GSK3B: variants seen among roughly 807,000 people sequenced by gnomAD.
GSK3B encodes glycogen synthase kinase 3 beta.
A neutral mutation model predicts 56.4 loss-of-function variants in GSK3B; 15 were observed. The observed-to-expected ratio is 0.27, with a 90% CI of 0.18 to 0.41. The LOEUF (loss-of-function observed/expected upper bound fraction) is 0.41. Ranked by LOEUF, GSK3B falls within the 10% of genes least tolerant of loss-of-function variation. The pLI is 1.00. For synonymous variants in GSK3B, 181 were observed against 188.9 expected (o/e 0.96, Z 0.34); for missense variants, 300 against 513.4 (o/e 0.58, Z 4.02).
At chr3:119,852,398 G>C (rs895547822) in intron 9 of GSK3B, among the ~76,000 whole-genome samples, 1 of 151,612 alleles carries the variant, frequency 6.6e-6, no homozygotes. Flanking sequence ...GCCTAGGCTG[G>C]AGTGCAGTGG....
At chr3:119,958,666 A>AGACCCTGTCTCTCCCTC (rs2057240032) in intron 2 of GSK3B, among the ~76,000 whole-genome samples, 1 of 152,104 alleles carries the variant, frequency 6.6e-6, no homozygotes, top group Non-Finnish European at 1.5e-5. Context: ...TAACAGGGTG[A>AGACCCTGTCTCTCCCTC]GACCCTGTCT....
At chr3:119,987,096 T>A (rs1475605385) in intron 2 of GSK3B, among the ~76,000 whole-genome samples, 1 of 152,182 alleles carries the variant, frequency 6.6e-6, no homozygotes. Flanking sequence ...AAAGACCGCA[T>A]GTTCTCACTC....
At chr3:120,055,405 A>G (rs2058184025) in intron 1 of GSK3B, among the ~76,000 whole-genome samples, 2 of 152,180 alleles carry the variant, frequency 1.3e-5, no homozygotes, top group African/African-American at 4.8e-5. Flanking sequence ...CAATAATAGT[A>G]TATCAATATC....
intron 1 of GSK3B, among the ~76,000 whole-genome samples, chr3:120,093,062 A>G (rs1463331975): frequency 6.6e-6 from 1 of 152,242 alleles, no homozygotes. Context: ...ACACTCGAGC[A>G]CTTGATGAAA....
In GSK3B at chr3:119,843,345, T is replaced by C; in HGVS notation, c.1105A>G (p.Ser369Gly). 6.3e-7 allele frequency: 1 copy of C among 1,593,236 alleles called. No homozygotes were observed. The highest frequency in any genetic ancestry group is 8.6e-7 in the Non-Finnish European group (1 of 1,162,014). Residue 369 changes from serine (S) to glycine (G), a missense_variant, in exon 10 of 11, where the codon AGT becomes GGT. Around this residue, in one of 6 missense-constraint regions of GSK3B, gnomAD observed 88 missense variants for 92.7 expected, o/e 0.95. Transcript: ENST00000264235. ...LFNFTTQELS[S>G]NPPLATILIP... ...AGGATGGTAGCCAGAGGTGGATTAC[T>C]TGACAGTTCTATAGAAGGTTAAGAC...
At chr3:120,031,859 G>T (rs1023963359) in intron 1 of GSK3B, among the ~76,000 whole-genome samples, 2 of 152,158 alleles carry the variant, frequency 1.3e-5, no homozygotes, top group Non-Finnish European at 2.9e-5. Flanking sequence ...AATATTTGTG[G>T]ATAAATGACT....
intron 1 of GSK3B, among the ~76,000 whole-genome samples, chr3:120,018,559 G>A (rs2057846564): frequency 6.6e-6 from 1 of 152,096 alleles, no homozygotes; most frequent in Admixed American, 6.6e-5. Context: ...TAGTCTTATA[G>A]TACTCATCCA....
intron 3 of GSK3B, among the ~76,000 whole-genome samples, chr3:119,944,029 G>C (rs905001286): frequency 4.6e-5 from 7 of 152,130 alleles, no homozygotes; most frequent in African/African-American, 1.7e-4. Flanking sequence ...GGGAAAGAAA[G>C]TCAGAGATGT....
At chr3:119,986,680 A>T (rs2057519720) in intron 2 of GSK3B, among the ~76,000 whole-genome samples, 1 of 152,176 alleles carries the variant, frequency 6.6e-6, no homozygotes, top group South Asian at 2.1e-4. Flanking sequence ...AAGTCAGGAA[A>T]CAACAGATGC....
At chr3:120,058,913 G>A (rs1004385519) in intron 1 of GSK3B, among the ~76,000 whole-genome samples, 1 of 151,874 alleles carries the variant, frequency 6.6e-6, no homozygotes. Context: ...CAGAGGCTGA[G>A]GCAGGAGGAT....
chr3:119,851,808 A>G (rs1445973053), intron 9 of GSK3B, among the ~76,000 whole-genome samples: 1 of 152,234 alleles, frequency 6.6e-6, no homozygotes, highest in Non-Finnish European at 1.5e-5. Context: ...CTATACAGTT[A>G]AAAGTGCTAT....
intron 4 of GSK3B, among the ~76,000 whole-genome samples, chr3:119,919,005 G>A (rs1393118352): frequency 6.6e-6 from 1 of 152,042 alleles, no homozygotes; most frequent in Non-Finnish European, 1.5e-5. Context: ...ACTCTCTTGT[G>A]TGATCAGACC....
intron 3 of GSK3B, 71 bp downstream of exon 3, chr3:119,947,197 T>C (rs2057109105): frequency 1.1e-6 from 1 of 907,610 alleles, no homozygotes; most frequent in African/African-American, 1.6e-5. Flanking sequence ...CTATGAGCGG[T>C]GGGGAGATTA....
At chr3:119,933,727 A>T (rs2056968451) in intron 3 of GSK3B, among the ~76,000 whole-genome samples, 1 of 152,158 alleles carries the variant, frequency 6.6e-6, no homozygotes, top group Non-Finnish European at 1.5e-5. Context: ...AAATAAAAAA[A>T]TTAGCCAGGC....
intron 2 of GSK3B, among the ~76,000 whole-genome samples, chr3:119,977,768 C>T (rs569230705): frequency 2.3e-4 from 35 of 152,028 alleles, no homozygotes; most frequent in African/African-American, 8.4e-4. Flanking sequence ...GAGTATAAAA[C>T]CAATAGGGGG....
intron 4 of GSK3B, among the ~76,000 whole-genome samples, chr3:119,918,917 T>A (rs999846277): frequency 1.3e-5 from 2 of 152,102 alleles, no homozygotes; most frequent in African/African-American, 4.8e-5. Flanking sequence ...ATATCTGAAG[T>A]AATAAAATAA....
At chr3:119,876,171 G>A (rs1366045930) in intron 8 of GSK3B, among the ~76,000 whole-genome samples, 2 of 152,056 alleles carry the variant, frequency 1.3e-5, no homozygotes, top group East Asian at 3.8e-4. Context: ...GTACTTTAAT[G>A]ATATAAGTAC....
chr3:119,919,810 C>A (rs1232031567), intron 4 of GSK3B, among the ~76,000 whole-genome samples: 1 of 151,192 alleles, frequency 6.6e-6, no homozygotes, highest in East Asian at 1.9e-4. Context: ...TAGAATACAG[C>A]CACATGATGA....
At chr3:119,870,072 T>C (rs2056232829) in intron 8 of GSK3B, among the ~76,000 whole-genome samples, 1 of 152,208 alleles carries the variant, frequency 6.6e-6, no homozygotes, top group Non-Finnish European at 1.5e-5. Flanking sequence ...ACCCAGGCTA[T>C]AACAATTCCT....
Sources: gnomAD v4.1 joint callset for allele counts (sites outside exome capture counted in the v4.1 genomes callset) on GRCh38, gnomAD v4.1.1 for gene constraint, gnomAD v4.1.1 regional missense constraint, MANE v1.5 for transcripts, NCBI Gene and HGNC (gene_info 2026-07-23, HGNC 2026-07-21) for gene names.